The following ZUP1 variants were observed in gnomAD, a reference collection of about 807,000 sequenced individuals.
The protein encoded by ZUP1 is zinc finger containing ubiquitin peptidase 1.
Under a neutral mutation model 68.1 loss-of-function variants are expected in ZUP1, and 55 were observed. The ratio of observed to expected loss-of-function variants is 0.81; its 90% CI spans 0.65 to 1.01. The LOEUF (loss-of-function observed/expected upper bound fraction) is 1.01, where lower values mean the gene tolerates loss of function less well. ZUP1 is among the 50% of genes least tolerant of loss of function. The probability of loss-of-function intolerance (pLI) is 0.00; values close to 1 mark genes in which losing one functional copy is unlikely to be tolerated. For synonymous variants in ZUP1, 223 were observed against 221.5 expected (o/e 1.01, Z -0.06); for missense variants, 684 against 674.9 (o/e 1.01, Z -0.15).
chr6:116,665,979 C>T (rs1776997174), intron 2 of ZUP1, among the ~76,000 whole-genome samples: 2 of 151,956 alleles, frequency 1.3e-5, no homozygotes, highest in Non-Finnish European at 2.9e-5. Context: ...ATACATGAAA[C>T]AAAACCTGAC....
intron 5 of ZUP1, among the ~76,000 whole-genome samples, chr6:116,653,083 T>C (rs918178252): frequency 6.6e-5 from 10 of 152,066 alleles, no homozygotes; most frequent in Admixed American, 1.3e-4. Context: ...TAAAATGTCA[T>C]CGACCCCAAC....
chr6:116,640,968 G>A (rs1305749980), intron 9 of ZUP1, among the ~76,000 whole-genome samples: 1 of 148,316 alleles, frequency 6.7e-6, no homozygotes, highest in Non-Finnish European at 1.5e-5. Flanking sequence ...GACACACATA[G>A]GCTCAAAATA....
At chr6:116,638,077 A>G (rs1214813002) in intron 9 of ZUP1, among the ~76,000 whole-genome samples, 1 of 151,800 alleles carries the variant, frequency 6.6e-6, no homozygotes, top group Non-Finnish European at 1.5e-5. Context: ...AAAAAAAAAA[A>G]AAAAAAAACC....
At position 116,640,577 on chromosome 6, in the gene ZUP1, C is replaced by A. The variant is rs1776065089; in HGVS notation, c.1690-4698G>T. 2.6e-5 allele frequency among the ~76,000 whole-genome samples: 4 copies of A among 152,012 alleles called. No individual in the cohort carries two copies. The South Asian group carries it at 8.3e-4, about 32-fold the overall frequency. ...GAATTTTCAACCCAGAATTTCATAT[C>A]CAGCCAAACTAAGCTTCACAAGTGA... is the stretch of plus-strand genomic sequence containing the variant. On this transcript the variant is annotated intron_variant, in intron 9 of 9. Transcript: ENST00000368576.
chr6:116,650,783 C>A (rs1776466030), intron 7 of ZUP1, among the ~76,000 whole-genome samples: 1 of 152,032 alleles, frequency 6.6e-6, no homozygotes, highest in Admixed American at 6.6e-5. Flanking sequence ...AAACAAATGC[C>A]CAACACAATG....
intron 9 of ZUP1, among the ~76,000 whole-genome samples, chr6:116,644,866 A>G (rs1288651308): frequency 6.6e-6 from 1 of 151,610 alleles, no homozygotes; most frequent in African/African-American, 2.4e-5. Context: ...AATAATAAAA[A>G]AAGAAGAAGA....
intron 9 of ZUP1, among the ~76,000 whole-genome samples, chr6:116,643,939 T>A (rs546798591): frequency 3.3e-5 from 5 of 152,118 alleles, no homozygotes; most frequent in Admixed American, 2.0e-4. Flanking sequence ...AACCTACTCA[T>A]CTGACAAAGG....
chr6:116,649,532 G>A (rs1007009092), intron 7 of ZUP1, among the ~76,000 whole-genome samples: 1 of 152,082 alleles, frequency 6.6e-6, no homozygotes, highest in African/African-American at 2.4e-5. Context: ...TGAAAGCTTA[G>A]AAGCATAAGG....
intron 7 of ZUP1, 71 bp from the exon 8 acceptor site, chr6:116,647,681 A>G: frequency 8.1e-7 from 1 of 1,227,376 alleles, no homozygotes; most frequent in African/African-American, 1.5e-5. Context: ...GTTATCAAAT[A>G]CAACAAATTC....
intron 1 of ZUP1, 136 bp from the exon 2 acceptor site, chr6:116,667,343 A>G (rs1777044036): frequency 4.4e-6 from 2 of 456,728 alleles, no homozygotes; most frequent in African/African-American, 4.0e-5. Flanking sequence ...ACTGTTCCTC[A>G]AATACAAAAA....
At chr6:116,645,962 A>G in intron 8 of ZUP1, 28 bp from the exon 9 acceptor site, 1 of 1,486,238 alleles carries the variant, frequency 6.7e-7, no homozygotes, top group East Asian at 2.3e-5. Flanking sequence ...AGTTATACAT[A>G]CGTCACATCT....
chr6:116,649,432 A>C (rs1776412141), intron 7 of ZUP1, among the ~76,000 whole-genome samples: 1 of 152,212 alleles, frequency 6.6e-6, no homozygotes, highest in African/African-American at 2.4e-5. Context: ...AAAAGAGCTC[A>C]CATCTTCAGA....
chr6:116,656,975 T>A (rs56822858), intron 4 of ZUP1, 123 bp from the exon 5 acceptor site: 16,491 of 606,270 alleles, frequency 0.027, 323 homozygotes, highest in Middle Eastern at 0.078. Flanking sequence ...TTTATACAAG[T>A]TAACTTAAAG....
intron 4 of ZUP1, among the ~76,000 whole-genome samples, 192 bp downstream of exon 4, chr6:116,658,611 G>C (rs1304543186): frequency 6.6e-6 from 1 of 152,160 alleles, no homozygotes; most frequent in Non-Finnish European, 1.5e-5. Context: ...ATGTTGCAAA[G>C]ATTTTGAGAT....
chr6:116,648,637 T>A (rs1296776406), intron 7 of ZUP1, among the ~76,000 whole-genome samples: 1 of 152,112 alleles, frequency 6.6e-6, no homozygotes, highest in Non-Finnish European at 1.5e-5. Flanking sequence ...AAAAGCTTTC[T>A]AAATTATTTA....
Position 116,645,813 on chromosome 6 carries a change from A to G in ZUP1, c.1590T>C (p.Ala530=), listed in dbSNP as rs778086188. 2 of 1,613,914 alleles carry G rather than the reference A, an allele frequency of 1.2e-6. No individual in the cohort carries two copies. Among genetic ancestry groups the G allele is most frequent in the South Asian group, 2.2e-5 (2 of 91,084 alleles). ...ATTTCCGAAGTTGCTTGAGACTGCT[A>G]GCCTCTATGTCTTGCTTTAATAATT... ...MQKLLKQDIE[A]SSLKQLRKSM... is the part of the protein sequence containing the mutation. The change falls in exon 9 of 10, where the codon GCT becomes GCC. Residue 530 remains alanine, a synonymous_variant. Coordinates refer to ENST00000368576, the MANE Select transcript of ZUP1 (RefSeq NM_145062.3).
intron 9 of ZUP1, among the ~76,000 whole-genome samples, chr6:116,644,985 T>C (rs1399094327): frequency 6.6e-6 from 1 of 152,032 alleles, no homozygotes; most frequent in Admixed American, 6.5e-5. Flanking sequence ...ATTCAGACAC[T>C]CCTACAAGGC....
chr6:116,667,196 A>G lies in ZUP1; in HGVS notation c.-4T>C, dbSNP rs1379146298. ...CACAAATATTACAGGAAAGCATGGT[A>G]TTGACAAGTAGCTAGAAAAGAACAT... On this transcript the variant is annotated 5_prime_UTR_variant, in exon 2 of 10. Coordinates refer to ENST00000368576, the MANE Select transcript of ZUP1 (RefSeq NM_145062.3). The G allele has an allele frequency of 6.5e-7, 1 of 1,545,426 alleles. No homozygotes were observed. Among genetic ancestry groups the G allele is most frequent in the Non-Finnish European group, 8.7e-7 (1 of 1,147,550 alleles).
In ZUP1 at chr6:116,651,531, C is replaced by T. The variant is rs749741136; in HGVS notation, c.1316+41G>A. ...TAAAATTTTACAAAACAAAGCTCCC[C>T]GATAAGGAAATAACATTTATTTAGG... On this transcript the variant is annotated intron_variant, in intron 7 of 9. Coordinates refer to ENST00000368576, the MANE Select transcript of ZUP1 (RefSeq NM_145062.3). 3.2e-5 allele frequency: 48 copies of T among 1,490,938 alleles called. 1 individual carries two copies. The Middle Eastern group carries it at 5.5e-4, about 17-fold the overall frequency. The allele number at this position is 1,490,938 out of a possible 1,614,324, so 92.4% of individuals were successfully genotyped here.
Sources: allele counts gnomAD v4.1 joint callset (sites outside exome capture counted in the v4.1 genomes callset), GRCh38; gene constraint gnomAD v4.1.1; transcripts MANE v1.5; gene names NCBI Gene and HGNC (gene_info 2026-07-23, HGNC 2026-07-21).